Variants in CHKA observed in about 807,000 individuals in gnomAD.
CHKA encodes CHETK-alpha.
Under a neutral mutation model 60.1 loss-of-function variants are expected in CHKA, and 34 were observed. The ratio of observed to expected loss-of-function variants is 0.57; its 90% confidence interval spans 0.43 to 0.75. CHKA has a LOEUF of 0.75. Among genes scored for constraint, CHKA ranks in the 30% least tolerant of loss-of-function variants. The pLI is 0.00. For missense variants in CHKA, 563 were observed against 561.3 expected, an observed-to-expected ratio of 1.00 and a Z score of -0.03; for synonymous variants, 217 against 223.1, an observed-to-expected ratio of 0.97 and a Z score of 0.24.
At position 68,061,996 on chromosome 11, in the gene CHKA, G is replaced by T; in HGVS notation, c.1271C>A (p.Ser424Tyr). 1 of 1,599,562 alleles carries T rather than the reference G, an allele frequency of 6.3e-7. No homozygotes were observed. Among genetic ancestry groups the T allele is most frequent in the Non-Finnish European group, 8.5e-7 (1 of 1,172,694 alleles). Reference protein sequence around the residue: ...LASHFLWGLWSIVQAKISSIE... With the variant: ...LASHFLWGLWYIVQAKISSIE... ...AGATGAAATCTTGGCTTGTACAATG[G>T]ACCACAGTCCCCAGAGGAAATGAGA... is the stretch of plus-strand genomic sequence containing the variant. Residue 424 changes from serine (S) to tyrosine (Y), a missense_variant, in exon 11 of 12, where the codon TCC (serine) becomes TAC (tyrosine). Physicochemically the swap from Ser to Tyr is moderately radical, Grantham distance 144. Transcript: ENST00000265689.
intron 3 of CHKA, among the ~76,000 whole-genome samples, chr11:68,077,807 A>G (rs1856842867): frequency 6.6e-6 from 1 of 152,140 alleles, no homozygotes; most frequent in Non-Finnish European, 1.5e-5. Context: ...AGGAGGCCAC[A>G]CTGAACTGAC....
intron 7 of CHKA, among the ~76,000 whole-genome samples, chr11:68,067,645 A>G (rs1856488002): frequency 6.6e-6 from 1 of 152,162 alleles, no homozygotes; most frequent in South Asian, 2.1e-4. Flanking sequence ...AAATTAATGT[A>G]CAACTGTTAC....
chr11:68,075,768 C>T (rs940131456), intron 3 of CHKA, among the ~76,000 whole-genome samples: 14 of 152,088 alleles, frequency 9.2e-5, no homozygotes, highest in Admixed American at 5.9e-4. Flanking sequence ...AGATGCCCCA[C>T]CACCACCGAA....
intron 2 of CHKA, among the ~76,000 whole-genome samples, chr11:68,083,828 A>G (rs1857065251): frequency 6.6e-6 from 1 of 152,192 alleles, no homozygotes; most frequent in Non-Finnish European, 1.5e-5. Flanking sequence ...TTTCCTCAGT[A>G]CAGAATGTTC....
chr11:68,120,957 G>T lies in CHKA; in HGVS notation c.221C>A (p.Pro74Gln). Reference sequence around the variant, plus strand: ...CTGCTCGTCTGCGGGCGGCTGCGGCGGCGGGGGCTGGGGCAGCGGCAGCGG... The same window carrying T: ...CTGCTCGTCTGCGGGCGGCTGCGGCTGCGGGGGCTGGGGCAGCGGCAGCGG... ...PLPLPLPQPP[P>Q]PQPPADEQPE... Residue 74 changes from proline to glutamine, a missense_variant, in exon 1 of 12, where the codon CCG (proline) becomes CAG (glutamine). Coordinates refer to ENST00000265689, the MANE Select transcript of CHKA (RefSeq NM_001277.3). 1 of 1,156,882 alleles carries T rather than the reference G, an allele frequency of 8.6e-7. No homozygotes were observed. The highest frequency in any genetic ancestry group is 1.1e-6 in the Non-Finnish European group (1 of 936,896). 71.7% of individuals were successfully genotyped at this position (1,156,882 alleles called of 1,614,324 possible).
chr11:68,084,777 C>T (rs1241491400), intron 2 of CHKA, among the ~76,000 whole-genome samples: 1 of 151,616 alleles, frequency 6.6e-6, no homozygotes, highest in Admixed American at 6.6e-5. Context: ...TTCAAAATAA[C>T]CCTGGTGGAG....
chr11:68,106,222 G>A (rs1348899370), intron 1 of CHKA, among the ~76,000 whole-genome samples: 1 of 152,128 alleles, frequency 6.6e-6, no homozygotes, highest in African/African-American at 2.4e-5. Context: ...CCACCTCTCT[G>A]AAAACAAGAA....
rs1481033396 is a variant in CHKA at position 68,053,998 on chromosome 11, A to C, written c.1364T>G (p.Leu455Arg). 1 of 1,613,690 alleles carries C rather than the reference A, an allele frequency of 6.2e-7. No individual in the cohort carries two copies. The highest frequency in any genetic ancestry group is 1.7e-5 in the Admixed American group (1 of 59,960). ...GAGTCCTCCCCACAGTCACACCCCA[A>C]GCTTCCTCTTCTGGTGGAAATAGGC... ...FDAYFHQKRK[L>R]GV The change falls in exon 12 of 12, where the codon CTT becomes CGT. Residue 455 changes from leucine (L) to arginine (R), a missense_variant. Leu to Arg is a moderately radical substitution (Grantham distance 102). Coordinates refer to ENST00000265689, the MANE Select transcript of CHKA (RefSeq NM_001277.3).
At chr11:68,111,777 G>T (rs554146042) in intron 1 of CHKA, among the ~76,000 whole-genome samples, 102 of 151,808 alleles carry the variant, frequency 6.7e-4, no homozygotes, top group Non-Finnish European at 5.6e-4. Flanking sequence ...GAACATGCCC[G>T]GAGCGGTAGC....
chr11:68,054,033 T>G lies in CHKA; in HGVS notation c.1329A>C (p.Ala443=). ...IEFGYMDYAQ[A]RFDAYFHQKR... is the part of the protein sequence containing the mutation. ...TCTGGTGGAAATAGGCATCAAACCTTGCTTGGGCGTAGTCCTAGGAGACAG... is the reference window on the plus strand; with the variant it reads ...TCTGGTGGAAATAGGCATCAAACCTGGCTTGGGCGTAGTCCTAGGAGACAG... Residue 443 remains alanine, a synonymous_variant, in exon 12 of 12, where the codon GCA becomes GCC. Coordinates refer to ENST00000265689, the MANE Select transcript of CHKA (RefSeq NM_001277.3). 6.2e-7 allele frequency: 1 copy of G among 1,613,164 alleles called. No individual in the cohort carries two copies. Among genetic ancestry groups the G allele is most frequent in the Non-Finnish European group, 8.5e-7 (1 of 1,179,596 alleles).
intron 2 of CHKA, 24 bp downstream of exon 2, chr11:68,096,995 T>A: frequency 6.4e-7 from 1 of 1,555,170 alleles, no homozygotes; most frequent in Non-Finnish European, 8.8e-7. Context: ...GATCCCCCCC[T>A]CCCAAAGTAG....
chr11:68,109,128 C>A (rs996936924), intron 1 of CHKA, among the ~76,000 whole-genome samples: 14 of 137,606 alleles, frequency 1.0e-4, no homozygotes, highest in East Asian at 2.1e-4. Context: ...CTCGCTCTGT[C>A]CCCCAGGCAG....
rs375491273 is a variant in CHKA at position 68,102,487 on chromosome 11, C to A, written c.351-5357G>T. ...TCTTCAATAAACAGTGTTGGGAAAA[C>A]TGGATATCGCACGCACAAGAATGAA... On this transcript the variant is annotated intron_variant, in intron 1 of 11. Transcript: ENST00000265689. 2.6e-5 allele frequency among the ~76,000 whole-genome samples: 4 copies of A among 152,152 alleles called. No individual in the cohort carries two copies. The East Asian group carries it at 5.8e-4, about 22-fold the overall frequency.
At chr11:68,064,974 T>A (rs1236639446) in intron 9 of CHKA, among the ~76,000 whole-genome samples, 4 of 152,240 alleles carry the variant, frequency 2.6e-5, no homozygotes, top group African/African-American at 9.6e-5. Context: ...GCTACCAAGG[T>A]TTCAGTGCTG....
At chr11:68,112,943 G>T (rs1007645611) in intron 1 of CHKA, among the ~76,000 whole-genome samples, 4 of 151,576 alleles carry the variant, frequency 2.6e-5, no homozygotes, top group African/African-American at 9.7e-5. Context: ...TTAGCCGGGC[G>T]TGGTGGCAGC....
At chr11:68,061,095 G>GTTTTTTTTT (rs757176198) in intron 11 of CHKA, among the ~76,000 whole-genome samples, 1 of 70,840 alleles carries the variant, frequency 1.4e-5, no homozygotes, top group Non-Finnish European at 2.5e-5. Context: ...GTCAGTGACA[G>GTTTTTTTTT]TTTTTTTTTT....
intron 1 of CHKA, among the ~76,000 whole-genome samples, chr11:68,098,009 T>C (rs1380272571): frequency 6.6e-6 from 1 of 151,924 alleles, no homozygotes; most frequent in Non-Finnish European, 1.5e-5. Flanking sequence ...CAGTGGCTCA[T>C]GCCTGTAATC....
At chr11:68,066,019 A>C in intron 8 of CHKA, 125 bp from the exon 9 acceptor site, 1 of 634,932 alleles carries the variant, frequency 1.6e-6, no homozygotes, top group Non-Finnish European at 2.8e-6. Flanking sequence ...GGACTTGCTG[A>C]GGGAGCAGGA....
intron 11 of CHKA, among the ~76,000 whole-genome samples, chr11:68,056,525 T>C (rs560180576): frequency 6.6e-6 from 1 of 152,300 alleles, no homozygotes; most frequent in African/African-American, 2.4e-5. Context: ...ATTTCAATCA[T>C]GCCTATCCAA....
Sources: gnomAD v4.1 joint callset for allele counts (sites outside exome capture counted in the v4.1 genomes callset) on GRCh38, gnomAD v4.1.1 for gene constraint, MANE v1.5 for transcripts, NCBI Gene and HGNC (gene_info 2026-07-23, HGNC 2026-07-21) for gene names.